KLC1: variants seen among roughly 807,000 people sequenced by gnomAD.
KLC1 encodes kinesin 2 60/70kDa.
A neutral mutation model predicts 84.2 loss-of-function variants in KLC1; 30 were observed. The observed-to-expected ratio is 0.36, with a 90% CI of 0.27 to 0.48. The LOEUF is 0.48. Among genes scored for constraint, KLC1 ranks in the 20% least tolerant of loss-of-function variants. The probability of loss-of-function intolerance (pLI) is 0.99; values close to 1 mark genes in which losing one functional copy is unlikely to be tolerated. For synonymous variants in KLC1, 289 were observed against 293.3 expected, an observed-to-expected ratio of 0.99 and a Z score of 0.15; for missense variants, 499 against 805.4, an observed-to-expected ratio of 0.62 and a Z score of 4.60.
intron 12 of KLC1, among the ~76,000 whole-genome samples, chr14:103,677,738 C>G (rs1340509520): frequency 6.6e-6 from 1 of 151,148 alleles, no homozygotes; most frequent in Non-Finnish European, 1.5e-5. Context: ...GTGGGCAGAT[C>G]ACCTGAGGTC....
At chr14:103,662,364 G>A (rs1384616592) in intron 4 of KLC1, among the ~76,000 whole-genome samples, 170 bp downstream of exon 4, 3 of 152,138 alleles carry the variant, frequency 2.0e-5, no homozygotes, top group African/African-American at 7.2e-5. Flanking sequence ...TTGTGATACG[G>A]GAATATGCTA....
intron 1 of KLC1, among the ~76,000 whole-genome samples, chr14:103,642,828 C>T (rs1484967768): frequency 1.4e-5 from 2 of 147,018 alleles, no homozygotes; most frequent in African/African-American, 5.0e-5. Context: ...AGTGCAGTGG[C>T]GTGATCTCGG....
chr14:103,670,748 A>G (rs2080309290), intron 7 of KLC1, among the ~76,000 whole-genome samples: 1 of 152,090 alleles, frequency 6.6e-6, no homozygotes, highest in South Asian at 2.1e-4. Flanking sequence ...AGAATAGCCC[A>G]CAAAACAAAG....
At chr14:103,641,729 G>T (rs1374126119) in intron 1 of KLC1, among the ~76,000 whole-genome samples, 2 of 151,336 alleles carry the variant, frequency 1.3e-5, no homozygotes, top group Non-Finnish European at 2.9e-5. Flanking sequence ...CAGCCTCCCA[G>T]GCTCAATTCA....
At chr14:103,662,057 C>A in intron 3 of KLC1, 59 bp from the exon 4 acceptor site, 1 of 1,123,718 alleles carries the variant, frequency 8.9e-7, no homozygotes, top group Non-Finnish European at 1.3e-6. Flanking sequence ...TAAAAATTTT[C>A]AGGACAGGAT....
intron 16 of KLC1, 73 bp downstream of exon 16, chr14:103,700,800 G>T (rs1449040991): frequency 2.6e-5 from 32 of 1,214,124 alleles, no homozygotes; most frequent in Admixed American, 4.8e-5. Flanking sequence ...TGCAGGGACT[G>T]GGGGGAGCTG....
At chr14:103,641,819 A>G (rs1288799848) in intron 1 of KLC1, among the ~76,000 whole-genome samples, 1 of 152,032 alleles carries the variant, frequency 6.6e-6, no homozygotes, top group Non-Finnish European at 1.5e-5. Flanking sequence ...ATGGGGTTTT[A>G]CCATGTTGCC....
rs144260527 is a variant in KLC1, at chr14:103,670,929, A to AAAG, written c.987+648_987+649insGAA. ...TGAGACCTCGTCTCTAAAGAAAAAA[A>AAAG]AAAGAAAAGAAGGTCCAGTTATGAG... On this transcript the variant is annotated intron_variant, in intron 7 of 16. Coordinates refer to ENST00000334553, the MANE Select transcript of KLC1 (RefSeq NM_001394837.1). Among the ~76,000 whole-genome samples, 139 of 152,026 alleles carry AAAG rather than the reference A, an allele frequency of 9.1e-4. 3 individuals carry two copies. In the East Asian group the frequency reaches 0.02, roughly 22 times the overall value.
intron 5 of KLC1, among the ~76,000 whole-genome samples, chr14:103,667,971 CTTCG>C (rs1195597168): frequency 6.6e-6 from 1 of 152,204 alleles, no homozygotes; most frequent in Non-Finnish European, 1.5e-5. Flanking sequence ...AAGAAAGATT[CTTCG>C]TTCCTCCATA....
chr14:103,671,585 G>A (rs994570894), intron 7 of KLC1, among the ~76,000 whole-genome samples: 9 of 152,114 alleles, frequency 5.9e-5, no homozygotes, highest in Non-Finnish European at 1.0e-4. Context: ...TGGCCAGGCT[G>A]GCCAAGAACT....
intron 4 of KLC1, among the ~76,000 whole-genome samples, chr14:103,662,489 A>C (rs778695878): frequency 2.2e-4 from 34 of 151,790 alleles, no homozygotes; most frequent in Non-Finnish European, 4.4e-4. Flanking sequence ...CGCCAAGAGG[A>C]GTCTCATGGC....
chr14:103,694,056 G>A lies in KLC1; in HGVS notation c.1848+1631G>A. ...CCCCTTTCAGAACGATAGGCATTTA[G>A]TGATCTATGGCAGTAAAGCCTGAAG... On this transcript the variant is annotated intron_variant, in intron 15 of 16. Transcript: ENST00000334553. This position sits in a 1 kb window ranked among gnomAD's most constrained non-coding sequence, Gnocchi z 4.5. 1.0e-6 allele frequency: 1 copy of A among 993,702 alleles called. No individual in the cohort carries two copies. The highest frequency in any genetic ancestry group is 4.4e-5 in the South Asian group (1 of 22,648). The allele number at this position is 993,702 out of a possible 1,614,324, so 61.6% of individuals were successfully genotyped here.
chr14:103,656,595 T>G (rs2151511398), intron 2 of KLC1, among the ~76,000 whole-genome samples: 1 of 152,324 alleles, frequency 6.6e-6, no homozygotes, highest in South Asian at 2.1e-4. Flanking sequence ...ACCCTGATTT[T>G]AGAGTCTTCA....
Position 103,654,696 on chromosome 14 carries a change from C to G in KLC1, c.132C>G (p.Ser44=). ...GLEALKNEHN[S]ILQSLLETLK... is the part of the protein sequence containing the mutation. Reference sequence around the variant, plus strand: ...AAGCTTTGAAGAATGAGCACAATTCCATTTTACAAAGTTTGCTGGAGACAC... The same window carrying G: ...AAGCTTTGAAGAATGAGCACAATTCGATTTTACAAAGTTTGCTGGAGACAC... Residue 44 remains serine, a synonymous_variant, in exon 2 of 17, where the codon TCC becomes TCG. Transcript: ENST00000334553. The G allele has an allele frequency of 6.2e-7, 1 of 1,614,124 alleles. No homozygotes were observed. The highest frequency in any genetic ancestry group is 8.5e-7 in the Non-Finnish European group (1 of 1,180,034).
At chr14:103,636,213 T>C (rs1342579484) in intron 1 of KLC1, among the ~76,000 whole-genome samples, 6 of 152,134 alleles carry the variant, frequency 3.9e-5, no homozygotes, top group African/African-American at 1.4e-4. Context: ...TTGACTACTT[T>C]CAATACTTTA....
chr14:103,695,972 AGAG>A (rs2082441483), intron 15 of KLC1: 2 of 985,400 alleles, frequency 2.0e-6, no homozygotes, highest in Non-Finnish European at 2.4e-6. Context: ...TTTTCCCTTC[AGAG>A]GAGAGAAGTG....
rs571295676 is a variant in KLC1, at chr14:103,662,258, G to A, written c.571+64G>A. 1.8e-5 allele frequency: 24 copies of A among 1,297,820 alleles called. No individual in the cohort carries two copies. In the African/African-American group the frequency reaches 2.8e-4, roughly 15 times the overall value. 80.4% of individuals were successfully genotyped at this position (1,297,820 alleles called of 1,614,324 possible). On this transcript the variant is annotated intron_variant, in intron 4 of 16. Transcript: ENST00000334553. ...AAGAGAGGTGTTCCTCCTAGAACAC[G>A]GTCATAGCAATCAGTGGCAGCCTTA...
chr14:103,672,971 G>C, intron 7 of KLC1, 43 bp from the exon 8 acceptor site: 1 of 1,569,934 alleles, frequency 6.4e-7, no homozygotes, highest in Non-Finnish European at 8.8e-7. Flanking sequence ...GGATTGGATG[G>C]AAGCAGAACA....
chr14:103,685,995 G>A, intron 13 of KLC1: 1 of 1,096,540 alleles, frequency 9.1e-7, no homozygotes. Context: ...ACGGTGACCT[G>A]TTGACGTAAC....
Sources: allele counts gnomAD v4.1 joint callset (sites outside exome capture counted in the v4.1 genomes callset), GRCh38; gene constraint gnomAD v4.1.1; non-coding constraint Gnocchi (gnomAD v3.1); transcripts MANE v1.5; gene names NCBI Gene and HGNC (gene_info 2026-07-23, HGNC 2026-07-21).